TMEM131: variants seen among roughly 807,000 people sequenced by gnomAD.
TMEM131 encodes the protein 2610524E03Rik.
A neutral mutation model predicts 211.6 loss-of-function variants in TMEM131; 66 were observed. That is an observed-to-expected ratio of 0.31 (90% confidence interval 0.26 to 0.38). The LOEUF (loss-of-function observed/expected upper bound fraction) is 0.38, where lower values mean the gene tolerates loss of function less well. TMEM131 is among the 10% of genes least tolerant of loss of function. The probability of loss-of-function intolerance (pLI) is 1.00; values close to 1 mark genes in which losing one functional copy is unlikely to be tolerated. For synonymous variants in TMEM131, 844 were observed against 841.3 expected (o/e 1.00, Z -0.06); for missense variants, 2,036 against 2,299.3 (o/e 0.89, Z 2.34).
At chr2:97,759,949 G>A (rs1678733355) in intron 38 of TMEM131, 200 bp from the exon 39 acceptor site, 3 of 560,054 alleles carry the variant, frequency 5.4e-6, no homozygotes, top group Admixed American at 3.0e-5. Context: ...AGCTCCGGAT[G>A]CCCTATCACT....
chr2:97,820,734 A>G (rs1682074804), intron 11 of TMEM131, among the ~76,000 whole-genome samples: 1 of 152,028 alleles, frequency 6.6e-6, no homozygotes, highest in Non-Finnish European at 1.5e-5. Flanking sequence ...GTGGGTGTCT[A>G]TAATCCCAGC....
intron 4 of TMEM131, among the ~76,000 whole-genome samples, chr2:97,884,178 C>G (rs911782196): frequency 6.6e-6 from 1 of 152,136 alleles, no homozygotes; most frequent in Admixed American, 6.5e-5. Context: ...TCTTCCTTCA[C>G]CCATTGGTCA....
intron 2 of TMEM131, among the ~76,000 whole-genome samples, chr2:97,924,139 C>G (rs563903162): frequency 6.6e-6 from 1 of 151,592 alleles, no homozygotes; most frequent in South Asian, 2.1e-4. Context: ...AATCCCAGCA[C>G]TTTGGGAGAC....
In TMEM131 at chr2:97,836,633, T is replaced by C. The variant is rs117918520; in HGVS notation, c.804+444A>G. On this transcript the variant is annotated intron_variant, in intron 8 of 40. Coordinates refer to ENST00000186436, the MANE Select transcript of TMEM131 (RefSeq NM_015348.2). ...TTATCGCAGGCACTTGACTAGGTTCTCTCTGCAAATGCCATCTCCTTTACC... is the reference window on the plus strand; with the variant it reads ...TTATCGCAGGCACTTGACTAGGTTCCCTCTGCAAATGCCATCTCCTTTACC... 3.4e-3 allele frequency among the ~76,000 whole-genome samples: 525 copies of C among 152,340 alleles called. 8 individuals carry two copies. In the East Asian group the frequency reaches 0.042, roughly 12 times the overall value.
chr2:97,943,167 A>G (rs1677879395), intron 1 of TMEM131, among the ~76,000 whole-genome samples: 1 of 152,086 alleles, frequency 6.6e-6, no homozygotes. Context: ...AAGATTGCTT[A>G]AACCCAGAAG....
chr2:97,805,537 T>C lies in TMEM131; in HGVS notation c.2208+14A>G, dbSNP rs376377402. ...GTTAACCAATGGGAATTCTCAAATATAATATCTTCAAACCTTTGATTTTTT... is the reference window on the plus strand; with the variant it reads ...GTTAACCAATGGGAATTCTCAAATACAATATCTTCAAACCTTTGATTTTTT... On this transcript the variant is annotated intron_variant, in intron 20 of 40. Transcript: ENST00000186436. 4.4e-5 allele frequency: 71 copies of C among 1,609,646 alleles called. No individual in the cohort carries two copies. In the African/African-American group the frequency reaches 9.2e-4, roughly 21 times the overall value.
chr2:97,773,563 G>A (rs1679568047), intron 32 of TMEM131, among the ~76,000 whole-genome samples: 1 of 152,160 alleles, frequency 6.6e-6, no homozygotes, highest in South Asian at 2.1e-4. Flanking sequence ...ACGGATTTCT[G>A]TGGCAATCTG....
rs949016712 is a variant in TMEM131 at position 97,756,355 on chromosome 2, T to A, written c.*744A>T. 3.9e-5 allele frequency: 6 copies of A among 152,248 alleles called. No homozygotes were observed. The highest frequency in any genetic ancestry group is 1.4e-4 in the African/African-American group (6 of 41,460). 9.4% of individuals were successfully genotyped at this position (152,248 alleles called of 1,614,324 possible). On this transcript the variant is annotated 3_prime_UTR_variant, in exon 41 of 41. Transcript: ENST00000186436. ...CAAGGCTTTTGAAAAAAGCATCATTTATTTCAAAGTACAACACAAAGTTGT... is the reference window on the plus strand; with the variant it reads ...CAAGGCTTTTGAAAAAAGCATCATTAATTTCAAAGTACAACACAAAGTTGT...
At chr2:97,845,283 A>G (rs1683371301) in intron 5 of TMEM131, among the ~76,000 whole-genome samples, 2 of 152,084 alleles carry the variant, frequency 1.3e-5, no homozygotes, top group African/African-American at 2.4e-5. Context: ...AGATGAGGCT[A>G]TCATACAGGA....
At chr2:97,770,515 TGACCAC>T (rs1679418204) in intron 33 of TMEM131, among the ~76,000 whole-genome samples, 2 of 152,236 alleles carry the variant, frequency 1.3e-5, no homozygotes, top group Non-Finnish European at 2.9e-5. Flanking sequence ...GGTTCAGGAC[TGACCAC>T]TCTAAGCTTT....
chr2:97,869,833 G>C (rs1674421802), intron 4 of TMEM131, among the ~76,000 whole-genome samples: 1 of 152,142 alleles, frequency 6.6e-6, no homozygotes, highest in Non-Finnish European at 1.5e-5. Flanking sequence ...CAAACTTTGA[G>C]GCTTAAAGCA....
chr2:97,967,668 A>G (rs1019226757), intron 1 of TMEM131, among the ~76,000 whole-genome samples: 2 of 152,214 alleles, frequency 1.3e-5, no homozygotes, highest in Non-Finnish European at 2.9e-5. Context: ...AGATGAAGCT[A>G]AATAGATTAA....
At chr2:97,852,000 C>A (rs534847456) in intron 5 of TMEM131, among the ~76,000 whole-genome samples, 4 of 152,076 alleles carry the variant, frequency 2.6e-5, no homozygotes, top group African/African-American at 4.8e-5. Flanking sequence ...GCCTTTAGTG[C>A]CAAACAGCCA....
At chr2:97,841,032 C>T (rs1683170148) in intron 7 of TMEM131, among the ~76,000 whole-genome samples, 2 of 152,160 alleles carry the variant, frequency 1.3e-5, no homozygotes, top group Non-Finnish European at 2.9e-5. Flanking sequence ...TAGTATTTTT[C>T]CTCCACCTGT....
intron 31 of TMEM131, 49 bp downstream of exon 31, chr2:97,792,337 T>C: frequency 1.4e-6 from 2 of 1,450,418 alleles, no homozygotes; most frequent in Non-Finnish European, 1.9e-6. Context: ...AAGCACGCAC[T>C]GGCTTTTCCC....
chr2:97,814,815 G>A (rs1325754487), intron 13 of TMEM131, among the ~76,000 whole-genome samples: 5 of 152,094 alleles, frequency 3.3e-5, no homozygotes, highest in African/African-American at 1.2e-4. Flanking sequence ...AAGTGTTTAT[G>A]AATTTATAAA....
intron 28 of TMEM131, 112 bp from the exon 29 acceptor site, chr2:97,795,227 T>C (rs531228964): frequency 4.3e-6 from 3 of 692,686 alleles, no homozygotes; most frequent in Non-Finnish European, 4.5e-6. Flanking sequence ...TTGCGTTTGA[T>C]ACTTTTACTC....
intron 11 of TMEM131, among the ~76,000 whole-genome samples, chr2:97,825,343 A>G (rs530361949): frequency 2.2e-4 from 33 of 152,358 alleles, no homozygotes; most frequent in African/African-American, 7.2e-4. Flanking sequence ...AGCTTTGCCT[A>G]CAGCAGGTCA....
At chr2:97,952,485 C>T (rs950267778) in intron 1 of TMEM131, among the ~76,000 whole-genome samples, 7 of 152,100 alleles carry the variant, frequency 4.6e-5, no homozygotes. Context: ...TATACTAGAA[C>T]ACCAATTCGA....
Sources: gnomAD v4.1 joint callset for allele counts (sites outside exome capture counted in the v4.1 genomes callset) on GRCh38, gnomAD v4.1.1 for gene constraint, MANE v1.5 for transcripts, NCBI Gene and HGNC (gene_info 2026-07-23, HGNC 2026-07-21) for gene names.